The following RBMS1 variants were observed in gnomAD, a reference collection of about 807,000 sequenced individuals.
RBMS1 encodes the protein RNA-binding motif, single-stranded-interacting protein 1.
A neutral mutation model predicts 62.3 loss-of-function variants in RBMS1; 17 were observed. The observed-to-expected ratio is 0.27, with a 90% CI of 0.19 to 0.41. RBMS1 has a LOEUF of 0.41. Ranked by LOEUF, RBMS1 falls within the 10% of genes least tolerant of loss-of-function variation. The pLI is 1.00. For synonymous variants in RBMS1, 172 were observed against 170.0 expected, an observed-to-expected ratio of 1.01 and a Z score of -0.09; for missense variants, 334 against 504.5, an observed-to-expected ratio of 0.66 and a Z score of 3.24.
intron 1 of RBMS1, among the ~76,000 whole-genome samples, chr2:160,480,225 C>T (rs1352157206): frequency 1.3e-5 from 2 of 151,668 alleles, no homozygotes; most frequent in African/African-American, 4.8e-5. Context: ...TGGGGTGTCA[C>T]AACAACATCA....
intron 1 of RBMS1, among the ~76,000 whole-genome samples, chr2:160,469,536 C>A (rs1358721466): frequency 1.3e-5 from 2 of 152,208 alleles, no homozygotes; most frequent in Non-Finnish European, 2.9e-5. Context: ...TAACACTCTG[C>A]AAGAATCACT....
intron 1 of RBMS1, among the ~76,000 whole-genome samples, chr2:160,420,036 G>C (rs139648860): frequency 6.6e-6 from 1 of 152,038 alleles, no homozygotes; most frequent in African/African-American, 2.4e-5. Context: ...GAGTTTTCTC[G>C]AGCTTGAACT....
At chr2:160,460,705 C>T (rs1204299230) in intron 1 of RBMS1, among the ~76,000 whole-genome samples, 1 of 152,204 alleles carries the variant, frequency 6.6e-6, no homozygotes, top group Non-Finnish European at 1.5e-5. Context: ...ATTCTGATTT[C>T]ACTAATATAT....
At chr2:160,475,909 T>A (rs1397808327) in intron 1 of RBMS1, among the ~76,000 whole-genome samples, 1 of 150,912 alleles carries the variant, frequency 6.6e-6, no homozygotes, top group Non-Finnish European at 1.5e-5. Context: ...CAGGCTGGAA[T>A]GCAGTTGTGT....
At chr2:160,426,059 A>G (rs144786205) in intron 1 of RBMS1, among the ~76,000 whole-genome samples, 1 of 152,172 alleles carries the variant, frequency 6.6e-6, no homozygotes, top group East Asian at 1.9e-4. Context: ...ATTTAAGGCA[A>G]GTTATTAAAT....
chr2:160,449,649 C>A (rs1035356628), intron 1 of RBMS1, among the ~76,000 whole-genome samples: 1 of 152,052 alleles, frequency 6.6e-6, no homozygotes, highest in African/African-American at 2.4e-5. Flanking sequence ...AGAGTCATCA[C>A]CACTCCCTCA....
At chr2:160,402,274 G>A (rs542442629) in intron 1 of RBMS1, among the ~76,000 whole-genome samples, 2 of 152,292 alleles carry the variant, frequency 1.3e-5, no homozygotes, top group African/African-American at 2.4e-5. Flanking sequence ...GAGTGCAGGC[G>A]GAAGCATGGA....
At chr2:160,415,818 T>A (rs753395526) in intron 1 of RBMS1, among the ~76,000 whole-genome samples, 1 of 152,100 alleles carries the variant, frequency 6.6e-6, no homozygotes, top group Non-Finnish European at 1.5e-5. Context: ...AAAATTACCA[T>A]TAAATTAGGT....
At chr2:160,282,246 T>C (rs750481867) in intron 9 of RBMS1, 2 of 1,367,806 alleles carry the variant, frequency 1.5e-6, no homozygotes, top group South Asian at 1.1e-5. Context: ...GAAGAATGTA[T>C]TGCGATTTAC....
At chr2:160,452,711 C>T (rs1424651199) in intron 1 of RBMS1, among the ~76,000 whole-genome samples, 1 of 152,162 alleles carries the variant, frequency 6.6e-6, no homozygotes, top group Non-Finnish European at 1.5e-5. Context: ...AGTGCTTGTA[C>T]CACGTAATCA....
At chr2:160,288,789 G>T (rs533953200) in intron 6 of RBMS1, among the ~76,000 whole-genome samples, 3 of 152,124 alleles carry the variant, frequency 2.0e-5, no homozygotes, top group African/African-American at 7.2e-5. Flanking sequence ...TTTATCTAGA[G>T]GGTTTATGAA....
intron 4 of RBMS1, among the ~76,000 whole-genome samples, chr2:160,304,913 G>A (rs1003797514): frequency 6.6e-6 from 1 of 152,100 alleles, no homozygotes; most frequent in Non-Finnish European, 1.5e-5. Flanking sequence ...GGAGTGCAGT[G>A]GCGCGATCTC....
intron 1 of RBMS1, among the ~76,000 whole-genome samples, chr2:160,466,906 C>T (rs556101744): frequency 3.3e-5 from 5 of 152,244 alleles, no homozygotes; most frequent in African/African-American, 1.2e-4. Context: ...CCAGCCTCCT[C>T]TTATGTAAAA....
chr2:160,490,317 A>AC lies in RBMS1; in HGVS notation c.75+2971_75+2972insG, dbSNP rs1397782893. Among the ~76,000 whole-genome samples the AC allele has an allele frequency of 1.4e-4, 21 of 150,694 alleles. No individual in the cohort carries two copies. In the South Asian group the frequency reaches 4.0e-3, roughly 28 times the overall value. On this transcript the variant is annotated intron_variant, in intron 1 of 13. Transcript: ENST00000348849. ...TCCTCACTGAGAAATAAAAAAAAAA[A>AC]ACAAAAAACCAACAGCATGTGAAAT... is the stretch of plus-strand genomic sequence containing the variant.
At chr2:160,403,085 C>T (rs1695519461) in intron 1 of RBMS1, among the ~76,000 whole-genome samples, 1 of 151,956 alleles carries the variant, frequency 6.6e-6, no homozygotes, top group South Asian at 2.1e-4. Context: ...CAAAACGGTC[C>T]CTAGTAGAAA....
At chr2:160,355,985 TG>T (rs1416439120) in intron 2 of RBMS1, among the ~76,000 whole-genome samples, 3 of 152,158 alleles carry the variant, frequency 2.0e-5, no homozygotes, top group Non-Finnish European at 2.9e-5. Context: ...CGAAGTGTCT[TG>T]ATCTTATGTT....
intron 2 of RBMS1, among the ~76,000 whole-genome samples, chr2:160,353,711 C>T (rs1260155491): frequency 6.6e-5 from 10 of 152,080 alleles, no homozygotes; most frequent in African/African-American, 1.2e-4. Flanking sequence ...AAGCCTGCCC[C>T]TTCCTAGTTT....
chr2:160,468,734 G>C (rs545413021), intron 1 of RBMS1, among the ~76,000 whole-genome samples: 1 of 152,260 alleles, frequency 6.6e-6, no homozygotes, highest in South Asian at 2.1e-4. Context: ...AATCTACAAT[G>C]TAAGACATCA....
chr2:160,414,311 G>GT (rs201776521), intron 1 of RBMS1, among the ~76,000 whole-genome samples: 26 of 149,860 alleles, frequency 1.7e-4, no homozygotes, highest in African/African-American at 2.7e-4. Flanking sequence ...TTGTTTTTTT[G>GT]TTTTTTTTTC....
Sources: gnomAD v4.1 joint callset for allele counts (sites outside exome capture counted in the v4.1 genomes callset) on GRCh38, gnomAD v4.1.1 for gene constraint, MANE v1.5 for transcripts, NCBI Gene and HGNC (gene_info 2026-07-23, HGNC 2026-07-21) for gene names.